Variants in RNF216 observed in about 807,000 individuals in gnomAD.
The protein encoded by RNF216 is E3 ubiquitin-protein ligase RNF216.
Under a neutral mutation model 110.8 loss-of-function variants are expected in RNF216, and 72 were observed. The ratio of observed to expected loss-of-function variants is 0.65; its 90% CI spans 0.54 to 0.79. The LOEUF is 0.79. RNF216 is among the 30% of genes least tolerant of loss of function. The pLI is 0.00. For missense variants in RNF216, 1,342 were observed against 1,141.2 expected, an observed-to-expected ratio of 1.18 and a Z score of -2.54; for synonymous variants, 495 against 407.5, an observed-to-expected ratio of 1.21 and a Z score of -2.59.
chr7:5,760,914 T>C (rs919572140), intron 2 of RNF216, 89 bp downstream of exon 2: 3 of 1,037,014 alleles, frequency 2.9e-6, no homozygotes, highest in Non-Finnish European at 4.3e-6. Flanking sequence ...TTCTAAATGG[T>C]ACAAAATAGG....
At chr7:5,744,789 A>G (rs1794947680) in intron 3 of RNF216, among the ~76,000 whole-genome samples, 1 of 152,150 alleles carries the variant, frequency 6.6e-6, no homozygotes, top group African/African-American at 2.4e-5. Flanking sequence ...CCTGACCAAC[A>G]TGGTGAAACC....
chr7:5,735,162 T>C (rs1216187238), intron 5 of RNF216, among the ~76,000 whole-genome samples: 1 of 151,762 alleles, frequency 6.6e-6, no homozygotes, highest in East Asian at 1.9e-4. Context: ...AATAAATAAA[T>C]AAAAAAGAGT....
intron 5 of RNF216, among the ~76,000 whole-genome samples, chr7:5,734,820 C>G (rs1377474391): frequency 6.3e-5 from 4 of 63,598 alleles, no homozygotes; most frequent in Non-Finnish European, 1.6e-4. Flanking sequence ...GCAAAACTCT[C>G]TCTCAAAATA....
intron 13 of RNF216, among the ~76,000 whole-genome samples, chr7:5,669,361 A>G (rs561470090): frequency 1.3e-5 from 2 of 152,218 alleles, no homozygotes; most frequent in South Asian, 2.1e-4. Context: ...GCCACTGGCA[A>G]TCACAGGGAG....
intron 13 of RNF216, among the ~76,000 whole-genome samples, chr7:5,665,924 G>C (rs1014313068): frequency 2.6e-5 from 4 of 152,112 alleles, no homozygotes; most frequent in African/African-American, 9.7e-5. Flanking sequence ...CCAGCACTTT[G>C]GGAGGCCGAG....
chr7:5,676,028 T>G (rs562526009), intron 13 of RNF216, among the ~76,000 whole-genome samples: 6,768 of 151,014 alleles, frequency 0.045, 477 homozygotes, highest in African/African-American at 0.16. Flanking sequence ...TTTCTTTTTT[T>G]TTTTGAGACA....
chr7:5,645,851 A>G (rs1200354388), intron 14 of RNF216, among the ~76,000 whole-genome samples: 1 of 152,050 alleles, frequency 6.6e-6, no homozygotes, highest in African/African-American at 2.4e-5. Context: ...CAGCCTCCCA[A>G]AGTGCTGGGA....
chr7:5,776,521 G>A (rs974173632), intron 1 of RNF216, among the ~76,000 whole-genome samples: 2 of 150,910 alleles, frequency 1.3e-5, no homozygotes, highest in Non-Finnish European at 2.9e-5. Context: ...CGAGAACCCG[G>A]GAGGCGGAGC....
intron 13 of RNF216, among the ~76,000 whole-genome samples, chr7:5,687,364 A>G (rs1401954816): frequency 6.9e-6 from 1 of 145,124 alleles, no homozygotes; most frequent in Admixed American, 6.9e-5. Flanking sequence ...TCACTGCTCC[A>G]TCCTGGGCAA....
chr7:5,698,410 C>CACACACAT (rs1328559672), intron 13 of RNF216, among the ~76,000 whole-genome samples: 1 of 147,694 alleles, frequency 6.8e-6, no homozygotes, highest in East Asian at 1.9e-4. Context: ...CACACACACA[C>CACACACAT]ACACATACAC....
intron 13 of RNF216, among the ~76,000 whole-genome samples, chr7:5,670,450 T>TA (rs942800772): frequency 3.3e-5 from 5 of 152,072 alleles, no homozygotes; most frequent in African/African-American, 4.8e-5. Context: ...GGTGGTTGGG[T>TA]AAAAAAAGTC....
chr7:5,649,153 G>T (rs754930218), intron 14 of RNF216, among the ~76,000 whole-genome samples: 1 of 152,092 alleles, frequency 6.6e-6, no homozygotes, highest in Non-Finnish European at 1.5e-5. Flanking sequence ...AGGCTGAGGT[G>T]GGGGGATCAC....
chr7:5,671,049 G>C (rs1299260865), intron 13 of RNF216, among the ~76,000 whole-genome samples: 1 of 152,232 alleles, frequency 6.6e-6, no homozygotes, highest in Non-Finnish European at 1.5e-5. Flanking sequence ...AGCAACAAAC[G>C]ATACTTTTTT....
intron 1 of RNF216, among the ~76,000 whole-genome samples, chr7:5,770,369 G>T (rs1342009520): frequency 6.6e-6 from 1 of 151,862 alleles, no homozygotes; most frequent in African/African-American, 2.4e-5. Context: ...GCTGAGGCAG[G>T]AGAATCACTT....
intron 1 of RNF216, among the ~76,000 whole-genome samples, chr7:5,776,649 T>C (rs947729401): frequency 6.7e-6 from 1 of 148,770 alleles, no homozygotes; most frequent in African/African-American, 2.5e-5. Context: ...CAGTGAAGGT[T>C]TCACAGGAAT....
chr7:5,738,162 A>G (rs528325020), intron 5 of RNF216, among the ~76,000 whole-genome samples: 12 of 151,470 alleles, frequency 7.9e-5, no homozygotes, highest in South Asian at 2.1e-4. Context: ...GGGAAAGAGT[A>G]TATTTTTCAT....
chr7:5,742,578 T>G (rs1794819031), intron 3 of RNF216, among the ~76,000 whole-genome samples: 1 of 142,838 alleles, frequency 7.0e-6, no homozygotes, highest in African/African-American at 2.6e-5. Flanking sequence ...GTGAGGATGG[T>G]GAAAAATCTT....
At chr7:5,737,586 G>A (rs1321294896) in intron 5 of RNF216, among the ~76,000 whole-genome samples, 2 of 151,918 alleles carry the variant, frequency 1.3e-5, no homozygotes, top group Non-Finnish European at 2.9e-5. Flanking sequence ...GGTTGCCTCT[G>A]TACAGAGGTG....
At chr7:5,663,230 G>A (rs73338091) in intron 13 of RNF216, among the ~76,000 whole-genome samples, 9 of 152,216 alleles carry the variant, frequency 5.9e-5, no homozygotes, top group Non-Finnish European at 8.8e-5. Flanking sequence ...CAAAGATGAC[G>A]TCCTGCTGGT....
Sources: gnomAD v4.1 joint callset for allele counts (sites outside exome capture counted in the v4.1 genomes callset) on GRCh38, gnomAD v4.1.1 for gene constraint, MANE v1.5 for transcripts, NCBI Gene and HGNC (gene_info 2026-07-23, HGNC 2026-07-21) for gene names.